USP34: variants seen among roughly 807,000 people sequenced by gnomAD.
USP34 encodes the protein ubiquitin specific peptidase 34.
A neutral mutation model predicts 460.3 loss-of-function variants in USP34; 70 were observed. That is an observed-to-expected ratio of 0.15 (90% CI 0.13 to 0.19). USP34 has a LOEUF of 0.19. Among genes scored for constraint, USP34 ranks in the 10% least tolerant of loss-of-function variants. The pLI is 1.00. For missense variants in USP34, 3,985 were observed against 4,236.2 expected, an observed-to-expected ratio of 0.94 and a Z score of 1.65; for synonymous variants, 1,647 against 1,405.3, an observed-to-expected ratio of 1.17 and a Z score of -3.85.
chr2:61,373,793 C>T (rs1005031735), intron 8 of USP34, among the ~76,000 whole-genome samples: 3 of 152,124 alleles, frequency 2.0e-5, no homozygotes, highest in African/African-American at 7.2e-5. Context: ...ATATAGATAT[C>T]ATACACAGAT....
At chr2:61,256,809 C>T in intron 47 of USP34, 64 bp downstream of exon 47, 1 of 1,285,980 alleles carries the variant, frequency 7.8e-7, no homozygotes, top group Non-Finnish European at 1.1e-6. Flanking sequence ...ATGACCAACA[C>T]AAACCCGCTA....
intron 76 of USP34, among the ~76,000 whole-genome samples, chr2:61,192,647 A>G (rs1024338866): frequency 6.6e-6 from 1 of 152,370 alleles, no homozygotes; most frequent in East Asian, 1.9e-4. Context: ...ATACATCTAT[A>G]AATGAGAAAT....
At chr2:61,194,666 T>A (rs925910109) in intron 75 of USP34, among the ~76,000 whole-genome samples, 1 of 152,118 alleles carries the variant, frequency 6.6e-6, no homozygotes, top group Admixed American at 6.5e-5. Flanking sequence ...CTTAAAAAAA[T>A]ATTTTGGGGC....
intron 16 of USP34, among the ~76,000 whole-genome samples, chr2:61,341,812 G>A (rs1033468105): frequency 1.4e-5 from 2 of 145,072 alleles, no homozygotes; most frequent in African/African-American, 5.1e-5. Context: ...CCAGGCTGGA[G>A]TGGAGTGGTA....
chr2:61,209,857 A>G (rs1572837588), intron 69 of USP34, among the ~76,000 whole-genome samples: 1 of 152,222 alleles, frequency 6.6e-6, no homozygotes, highest in East Asian at 1.9e-4. Flanking sequence ...TGGAGGTGGG[A>G]GACAGAGATA....
rs1181334604 is a variant in USP34, at chr2:61,370,582, A to T, written c.1077-3T>A. The T allele has an allele frequency of 6.2e-7, 1 of 1,612,266 alleles. No individual in the cohort carries two copies. Among genetic ancestry groups the T allele is most frequent in the South Asian group, 1.1e-5 (1 of 90,450 alleles). On this transcript the variant is annotated splice_region_variant and splice_polypyrimidine_tract_variant and intron_variant, in intron 8 of 79. Coordinates refer to ENST00000398571, the MANE Select transcript of USP34 (RefSeq NM_014709.4). ...CTGCAAGTTCTTTTGCAATGGACCTAAAGTCAAGCAATGAAAATAGTACAT... is the reference window on the plus strand; with the variant it reads ...CTGCAAGTTCTTTTGCAATGGACCTTAAGTCAAGCAATGAAAATAGTACAT...
At position 61,188,481 on chromosome 2, in the gene USP34, G is replaced by A; in HGVS notation, c.10262C>T (p.Ser3421Phe). Residue 3421 changes from serine (S) to phenylalanine (F), a missense_variant, in exon 80 of 80, where the codon TCT becomes TTT. Coordinates refer to ENST00000398571, the MANE Select transcript of USP34 (RefSeq NM_014709.4). The stretch of plus-strand genomic sequence containing the variant: ...ATTTGACATGTCTTCTGAAAACGAA[G>A]ATGGAACTTCCATTCGGTATTCTTT... ...SVKEYRMEVPSSFSEDMSNIR... is the reference protein window; with the variant it reads ...SVKEYRMEVPFSFSEDMSNIR... The A allele has an allele frequency of 6.2e-7, 1 of 1,614,224 alleles. No homozygotes were observed. Among genetic ancestry groups the A allele is most frequent in the Non-Finnish European group, 8.5e-7 (1 of 1,180,034 alleles).
At chr2:61,272,183 G>A (rs916442141) in intron 41 of USP34, among the ~76,000 whole-genome samples, 70 of 151,936 alleles carry the variant, frequency 4.6e-4, no homozygotes, top group Admixed American at 2.7e-3. Context: ...AGGCAGAGGC[G>A]GGCAGATCGT....
At chr2:61,272,844 T>A (rs1262269293) in intron 41 of USP34, among the ~76,000 whole-genome samples, 27 of 152,296 alleles carry the variant, frequency 1.8e-4, no homozygotes, top group Admixed American at 3.9e-4. Context: ...TGGAAAGAGT[T>A]AAACTTGTAA....
chr2:61,227,437 G>T (rs568363256), intron 61 of USP34, among the ~76,000 whole-genome samples: 1 of 152,058 alleles, frequency 6.6e-6, no homozygotes, highest in African/African-American at 2.4e-5. Flanking sequence ...ATTCTCTGCC[G>T]GGCATGGTGG....
intron 76 of USP34, chr2:61,190,892 T>G: frequency 2.5e-6 from 1 of 403,994 alleles, no homozygotes; most frequent in South Asian, 4.1e-5. Context: ...GGGAAGACAC[T>G]GATGCCGAAA....
rs1199686572 is a variant in USP34, at chr2:61,228,718, C to T, written c.7370G>A (p.Ser2457Asn). Residue 2457 changes from serine to asparagine, a missense_variant and splice_region_variant, in exon 61 of 80, where the codon AGC becomes AAC. Coordinates refer to ENST00000398571, the MANE Select transcript of USP34 (RefSeq NM_014709.4). ...AGCTTGCAATGAAAGCAAAAATTGG[C>T]TCTAAACAAACAAACAAACAAAATT... ...YEFAKMGEEE[S>N]QFLLSLQAIS... 1.2e-6 allele frequency: 2 copies of T among 1,607,388 alleles called. No homozygotes were observed. Among genetic ancestry groups the T allele is most frequent in the South Asian group, 2.2e-5 (2 of 88,952 alleles).
intron 21 of USP34, 125 bp from the exon 22 acceptor site, chr2:61,319,452 T>A: frequency 1.9e-6 from 1 of 539,934 alleles, no homozygotes; most frequent in Non-Finnish European, 2.9e-6. Context: ...ATTGCAATTT[T>A]AATTGAAATG....
In USP34 at chr2:61,266,081, T is replaced by C; in HGVS notation, c.5520A>G (p.Ser1840=). 1.9e-6 allele frequency: 3 copies of C among 1,614,028 alleles called. No individual in the cohort carries two copies. The highest frequency in any genetic ancestry group is 2.5e-6 in the Non-Finnish European group (3 of 1,179,914). ...CTAACAAATCGTAAGCGGCAGCTCT[T>C]GAAGAATGTGATTTGCACTTTGGCT... ...RQQPKCKSHS[S]RAAAYDLLVE... is the part of the protein sequence containing the mutation. Residue 1840 remains serine (S), a synonymous_variant, in exon 42 of 80, where the codon TCA becomes TCG. Transcript: ENST00000398571.
intron 18 of USP34, among the ~76,000 whole-genome samples, chr2:61,337,862 G>A (rs899101055): frequency 2.6e-5 from 4 of 152,220 alleles, no homozygotes; most frequent in African/African-American, 4.8e-5. Context: ...TACTGGGTCA[G>A]AGGGTATGCA....
chr2:61,406,702 T>TAA (rs35191538), intron 2 of USP34, among the ~76,000 whole-genome samples: 2 of 144,230 alleles, frequency 1.4e-5, no homozygotes, highest in Non-Finnish European at 3.0e-5. Context: ...TATGTGTATT[T>TAA]AAAAAAAAAA....
chr2:61,281,364 C>T, intron 37 of USP34, 122 bp from the exon 38 acceptor site: 24 of 1,279,608 alleles, frequency 1.9e-5, no homozygotes, highest in East Asian at 2.6e-5. Flanking sequence ...GTAATCCCAG[C>T]ACTTTTGGAG....
intron 4 of USP34, 85 bp from the exon 5 acceptor site, chr2:61,395,087 A>C (rs1693475534): frequency 6.9e-7 from 1 of 1,456,490 alleles, no homozygotes; most frequent in African/African-American, 1.4e-5. Flanking sequence ...ACTGATGAGA[A>C]ACTCAAAAGA....
chr2:61,378,248 G>A, intron 8 of USP34, 115 bp downstream of exon 8: 1 of 728,248 alleles, frequency 1.4e-6, no homozygotes, highest in Non-Finnish European at 2.3e-6. Context: ...TGTACACAAT[G>A]TCAAAGGGCA....
Sources: allele counts gnomAD v4.1 joint callset (sites outside exome capture counted in the v4.1 genomes callset), GRCh38; gene constraint gnomAD v4.1.1; transcripts MANE v1.5; gene names NCBI Gene and HGNC (gene_info 2026-07-23, HGNC 2026-07-21).